The following RBL2 variants were observed in gnomAD, a reference collection of about 807,000 sequenced individuals.
The protein encoded by RBL2 is RB transcriptional corepressor like 2.
A neutral mutation model predicts 126.0 loss-of-function variants in RBL2; 56 were observed. The observed-to-expected ratio is 0.44, with a 90% confidence interval of 0.36 to 0.56. The LOEUF (loss-of-function observed/expected upper bound fraction) is 0.56, where lower values mean the gene tolerates loss of function less well. RBL2 is among the 20% of genes least tolerant of loss of function. The pLI, the probability that RBL2 is intolerant of heterozygous loss-of-function variation, is 0.00. For missense variants in RBL2, 1,229 were observed against 1,398.2 expected, an observed-to-expected ratio of 0.88 and a Z score of 1.93; for synonymous variants, 454 against 478.5, an observed-to-expected ratio of 0.95 and a Z score of 0.67.
At chr16:53,486,673 A>G (rs747234270) in intron 21 of RBL2, among the ~76,000 whole-genome samples, 7 of 152,222 alleles carry the variant, frequency 4.6e-5, no homozygotes, top group Non-Finnish European at 8.8e-5. Flanking sequence ...ATCATACTTA[A>G]TGGTGATAGA....
intron 14 of RBL2, among the ~76,000 whole-genome samples, chr16:53,467,734 A>G (rs142009934): frequency 3.3e-5 from 5 of 152,204 alleles, no homozygotes; most frequent in Non-Finnish European, 4.4e-5. Flanking sequence ...GTGTATGTTT[A>G]TTTATGAGCA....
Position 53,453,576 on chromosome 16 carries a change from C to T in RBL2, c.891C>T (p.Phe297=), listed in dbSNP as rs1434608931. The change falls in exon 6 of 22, where the codon TTC becomes TTT. Residue 297 remains phenylalanine (F), a synonymous_variant. Coordinates refer to ENST00000262133, the MANE Select transcript of RBL2 (RefSeq NM_005611.4). ...AAGCAAAGGGGATAAAGGAACATTT[C>T]TGGAAACCCTATATTAGGAAACTTT... is the stretch of plus-strand genomic sequence containing the variant. ...VLEAKGIKEH[F]WKPYIRKLYE... The T allele has an allele frequency of 6.2e-7, 1 of 1,612,994 alleles. No homozygotes were observed. The highest frequency in any genetic ancestry group is 2.2e-5 in the East Asian group (1 of 44,776).
chr16:53,472,680 TG>T (rs1211831736), intron 17 of RBL2, among the ~76,000 whole-genome samples: 1 of 152,218 alleles, frequency 6.6e-6, no homozygotes, highest in Non-Finnish European at 1.5e-5. Context: ...TCCCATTCGG[TG>T]TATCTTTTCA....
intron 21 of RBL2, among the ~76,000 whole-genome samples, chr16:53,482,279 T>C (rs1960984820): frequency 6.6e-6 from 1 of 152,216 alleles, no homozygotes; most frequent in Non-Finnish European, 1.5e-5. Context: ...CACAGATGTA[T>C]GTGGCAACAG....
chr16:53,478,436 C>T (rs971354686), intron 17 of RBL2, among the ~76,000 whole-genome samples: 1 of 152,054 alleles, frequency 6.6e-6, no homozygotes, highest in Admixed American at 6.6e-5. Flanking sequence ...TCTCCCATTA[C>T]ACGTATGTTG....
intron 3 of RBL2, 33 bp downstream of exon 3, chr16:53,442,891 C>T (rs371041533): frequency 3.5e-5 from 53 of 1,529,404 alleles, no homozygotes; most frequent in Non-Finnish European, 4.7e-5. Flanking sequence ...CAGGAATACA[C>T]GTTAGTCTGT....
rs1261283643 is a variant in RBL2, at chr16:53,470,831, G to C, written c.2612G>C (p.Cys871Ser). The change falls in exon 17 of 22, where the codon TGC (cysteine) becomes TCC (serine). Residue 871 changes from cysteine (C) to serine (S), a missense_variant. This residue lies in a region of RBL2 where 1,070 missense variants were observed against 1,274.3 expected (regional missense o/e 0.84). Coordinates refer to ENST00000262133, the MANE Select transcript of RBL2 (RefSeq NM_005611.4). ...GAATTGAGGAAAAAAATCTGGACCTGCTTTGAATTCTCCATAATTCAGTGT... is the reference window on the plus strand; with the variant it reads ...GAATTGAGGAAAAAAATCTGGACCTCCTTTGAATTCTCCATAATTCAGTGT... ...SDELRKKIWT[C>S]FEFSIIQCPE... 6.2e-7 allele frequency: 1 copy of C among 1,614,022 alleles called. No individual in the cohort carries two copies. Among genetic ancestry groups the C allele is most frequent in the South Asian group, 1.1e-5 (1 of 91,060 alleles).
chr16:53,485,652 C>CA (rs1567749474), intron 21 of RBL2, among the ~76,000 whole-genome samples: 1 of 150,708 alleles, frequency 6.6e-6, no homozygotes, highest in African/African-American at 2.4e-5. Context: ...CTCAGGAGTT[C>CA]GAGACCAGCC....
At chr16:53,463,638 G>A (rs1032827191) in intron 11 of RBL2, among the ~76,000 whole-genome samples, 2 of 144,606 alleles carry the variant, frequency 1.4e-5, no homozygotes, top group African/African-American at 2.6e-5. Flanking sequence ...GTGCAACGTC[G>A]GCTTACTGCA....
chr16:53,489,004 C>G (rs758354485), intron 21 of RBL2: 1 of 151,166 alleles, frequency 6.6e-6, no homozygotes, highest in Non-Finnish European at 1.5e-5. Flanking sequence ...TGCTTGAGCC[C>G]AGGAATTCAA....
At chr16:53,459,225 A>AT (rs1416054009) in intron 8 of RBL2, among the ~76,000 whole-genome samples, 1 of 152,178 alleles carries the variant, frequency 6.6e-6, no homozygotes, top group Admixed American at 6.5e-5. Flanking sequence ...AATACAAATT[A>AT]TTCTTTCACA....
intron 21 of RBL2, among the ~76,000 whole-genome samples, chr16:53,482,192 G>A (rs1285828274): frequency 6.6e-6 from 1 of 152,178 alleles, no homozygotes; most frequent in African/African-American, 2.4e-5. Context: ...CTGTTTCTGG[G>A]ACAGGCAGTG....
chr16:53,470,265 C>T (rs2150814026), intron 15 of RBL2, 80 bp downstream of exon 15: 2 of 1,560,304 alleles, frequency 1.3e-6, no homozygotes, highest in Non-Finnish European at 8.7e-7. Context: ...GCTAGAGTGA[C>T]ATAGGGGACA....
intron 13 of RBL2, among the ~76,000 whole-genome samples, chr16:53,466,388 A>G (rs934858078): frequency 6.6e-6 from 1 of 152,010 alleles, no homozygotes; most frequent in African/African-American, 2.4e-5. Context: ...ACTGCCTTAC[A>G]TTTATTGCAC....
chr16:53,489,177 G>A (rs565396281), intron 21 of RBL2: 39 of 152,186 alleles, frequency 2.6e-4, no homozygotes, highest in Non-Finnish European at 5.1e-4. Context: ...AATAACAAGT[G>A]TCATGATAAA....
chr16:53,449,939 T>C (rs892891170), intron 4 of RBL2, among the ~76,000 whole-genome samples: 3 of 151,386 alleles, frequency 2.0e-5, no homozygotes, highest in Admixed American at 6.6e-5. Context: ...CAGCTTTTTA[T>C]TAGATGTTAC....
Position 53,479,218 on chromosome 16 carries a change from G to A in RBL2, c.2768G>A (p.Arg923Gln), listed in dbSNP as rs766082689. 12 of 1,612,724 alleles carry A rather than the reference G, an allele frequency of 7.4e-6. No homozygotes were observed. The highest frequency in any genetic ancestry group is 3.3e-5 in the South Asian group (3 of 91,064). The stretch of plus-strand genomic sequence containing the variant: ...TGTTATAGGACTCAGCCGCAGGCCC[G>A]GAGCCAGGTAACTACATTTTCTCTA... Reference protein sequence around the residue: ...MRCYRTQPQARSQVYRSVLIK... With the variant: ...MRCYRTQPQAQSQVYRSVLIK... Residue 923 changes from arginine (R) to glutamine (Q), a missense_variant, in exon 18 of 22, where the codon CGG becomes CAG. Arg to Gln is a conservative substitution (Grantham distance 43). Around this residue, in one of 2 missense-constraint regions of RBL2, gnomAD observed 1,070 missense variants for 1,274.3 expected, o/e 0.84. Transcript: ENST00000262133.
chr16:53,471,003 G>A lies in RBL2; in HGVS notation c.2703+81G>A, dbSNP rs555409057. 1.0e-4 allele frequency: 144 copies of A among 1,375,442 alleles called. No individual in the cohort carries two copies. The African/African-American group carries it at 1.8e-3, about 17-fold the overall frequency. The allele number at this position is 1,375,442 out of a possible 1,614,324, so 85.2% of individuals were successfully genotyped here. ...TTTTTAACCACTGTCTTGAGATACA[G>A]TTTACATGCTCTATAATTCACCTAT... is the stretch of plus-strand genomic sequence containing the variant. On this transcript the variant is annotated intron_variant, in intron 17 of 21. Coordinates refer to ENST00000262133, the MANE Select transcript of RBL2 (RefSeq NM_005611.4).
rs2057936814 is a variant in RBL2, at chr16:53,434,647, G to A, written c.91G>A (p.Ala31Thr). The A allele has an allele frequency of 6.4e-6, 10 of 1,563,452 alleles. No individual in the cohort carries two copies. Among genetic ancestry groups the A allele is most frequent in the African/African-American group, 1.4e-5 (1 of 72,764 alleles). ...TGAGGAGGAGGAGGACGACGGCGAGGCGGAAGACGCCGCGCCGCCTGCCGA... is the reference window on the plus strand; with the variant it reads ...TGAGGAGGAGGAGGACGACGGCGAGACGGAAGACGCCGCGCCGCCTGCCGA... ...SDEEEEDDGE[A>T]EDAAPPAESP... is the part of the protein sequence containing the mutation. Residue 31 changes from alanine to threonine, a missense_variant, in exon 1 of 22, where the codon GCG becomes ACG. By Grantham distance (58) the Ala-to-Thr change is moderately conservative. Transcript: ENST00000262133.
Sources: gnomAD v4.1 joint callset for allele counts (sites outside exome capture counted in the v4.1 genomes callset) on GRCh38, gnomAD v4.1.1 for gene constraint, gnomAD v4.1.1 regional missense constraint, MANE v1.5 for transcripts, NCBI Gene and HGNC (gene_info 2026-07-23, HGNC 2026-07-21) for gene names.